The following BAIAP2 variants were observed in gnomAD, a reference collection of about 807,000 sequenced individuals.
BAIAP2 encodes the protein BAR/IMD domain containing adaptor protein 2, also known as BAR/IMD domain-containing adapter protein 2.
BAIAP2 carries 18 observed loss-of-function variants against 63.0 expected under a neutral mutation model. The observed-to-expected ratio is 0.29, with a 90% CI of 0.20 to 0.42. BAIAP2 has a LOEUF of 0.42. BAIAP2 is among the 10% of genes least tolerant of loss of function. The pLI, the probability that BAIAP2 is intolerant of heterozygous loss-of-function variation, is 1.00. For missense variants in BAIAP2, 610 were observed against 734.3 expected (o/e 0.83, Z 1.96); for synonymous variants, 386 against 307.6 (o/e 1.25, Z -2.67).
intron 2 of BAIAP2, among the ~76,000 whole-genome samples, chr17:81,055,576 T>TTTTTGTTTTTTTTTG (rs933153727): frequency 8.3e-5 from 12 of 144,150 alleles, no homozygotes; most frequent in African/African-American, 2.7e-4. Flanking sequence ...GGTGTTTTGT[T>TTTTTGTTTTTTTTTG]TTTTTTTGAG....
At chr17:81,112,638 C>G (rs530142120) in intron 13 of BAIAP2, among the ~76,000 whole-genome samples, 1 of 152,356 alleles carries the variant, frequency 6.6e-6, no homozygotes, top group Non-Finnish European at 1.5e-5. Flanking sequence ...CGCGAGAAGA[C>G]AGAAAACAGG....
intron 5 of BAIAP2, 77 bp downstream of exon 5, chr17:81,085,802 C>T (rs920754478): frequency 1.1e-5 from 13 of 1,160,916 alleles, no homozygotes; most frequent in East Asian, 7.1e-5. Flanking sequence ...ACTCCTTCCT[C>T]GGCCTGAAGG....
Position 81,079,645 on chromosome 17 carries a change from C to T in BAIAP2, c.218-5187C>T, listed in dbSNP as rs1412928033. Among the ~76,000 whole-genome samples, 4 of 152,152 alleles carry T rather than the reference C, an allele frequency of 2.6e-5. No homozygotes were observed. In the South Asian group the frequency reaches 6.2e-4, roughly 24 times the overall value. On this transcript the variant is annotated intron_variant, in intron 3 of 13. Coordinates refer to ENST00000428708, the MANE Select transcript of BAIAP2 (RefSeq NM_001144888.2). Reference sequence around the variant, plus strand: ...GCACTCCCACACCTACATCCTGAGGCGTGGCCACCTGCTTTCCATCACCCC... The same window carrying T: ...GCACTCCCACACCTACATCCTGAGGTGTGGCCACCTGCTTTCCATCACCCC...
intron 3 of BAIAP2, among the ~76,000 whole-genome samples, chr17:81,084,426 A>G (rs2055198362): frequency 6.6e-6 from 1 of 152,098 alleles, no homozygotes; most frequent in South Asian, 2.1e-4. Context: ...GGGTCAGCAG[A>G]CTGTCCACCT....
intron 3 of BAIAP2, among the ~76,000 whole-genome samples, chr17:81,080,329 G>A (rs1346954637): frequency 6.6e-6 from 1 of 152,256 alleles, no homozygotes; most frequent in Non-Finnish European, 1.5e-5. Flanking sequence ...GTAAGGTGCA[G>A]TTTAAAAATT....
At chr17:81,074,855 C>A (rs950408245) in intron 3 of BAIAP2, among the ~76,000 whole-genome samples, 1 of 152,210 alleles carries the variant, frequency 6.6e-6, no homozygotes, top group African/African-American at 2.4e-5. Flanking sequence ...AGTGGTGAAG[C>A]GATTGTGGCA....
In BAIAP2 at chr17:81,111,033, C is replaced by T. The variant is rs902007671; in HGVS notation, c.1535+2524C>T. On this transcript the variant is annotated intron_variant, in intron 13 of 13. Transcript: ENST00000428708. ...TCCACGGGCCCTCTGGCCTCAGTCACGCAGCCTGGGTGGGGAGGGCCCGGC... is the reference window on the plus strand; with the variant it reads ...TCCACGGGCCCTCTGGCCTCAGTCATGCAGCCTGGGTGGGGAGGGCCCGGC... The T allele has an allele frequency of 4.7e-5, 75 of 1,579,406 alleles. 1 individual carries two copies. The highest frequency in any genetic ancestry group is 5.8e-5 in the Non-Finnish European group (67 of 1,152,224).
At chr17:81,045,992 G>A (rs1207887252) in intron 1 of BAIAP2, among the ~76,000 whole-genome samples, 2 of 152,252 alleles carry the variant, frequency 1.3e-5, no homozygotes, top group East Asian at 1.9e-4. Context: ...TCATGGCCTG[G>A]GGGGGCTCAT....
In BAIAP2 at chr17:81,108,598, A is replaced by G. The variant is rs1598827152; in HGVS notation, c.1535+89A>G. On this transcript the variant is annotated intron_variant, in intron 13 of 13. Transcript: ENST00000428708. ...GGTCCCTCTGCTAGGACCTGGGGCC[A>G]CCTCTTTTCCTTTAGGGCCCAGCCT... 1.2e-5 allele frequency: 19 copies of G among 1,536,680 alleles called. 1 individual carries two copies. In the South Asian group the frequency reaches 2.1e-4, roughly 17 times the overall value.
At position 81,103,691 on chromosome 17, in the gene BAIAP2, C is replaced by A; in HGVS notation, c.832C>A (p.Pro278Thr). 1.3e-6 allele frequency: 2 copies of A among 1,593,638 alleles called. No individual in the cohort carries two copies. The highest frequency in any genetic ancestry group is 2.2e-5 in the South Asian group (2 of 90,390). The change falls in exon 8 of 14, where the codon CCG becomes ACG. Residue 278 changes from proline to threonine, a missense_variant. By Grantham distance (38) the Pro-to-Thr change is conservative (BLOSUM62 -1). Around this residue, in one of 5 missense-constraint regions of BAIAP2, gnomAD observed 389 missense variants for 455.6 expected, o/e 0.85. Transcript: ENST00000428708. ...CCCCATTCCGGGGGCCAAGCCCCTG[C>A]CGGTGCCCCCCGAGCTGGCACCGTT... The part of the protein sequence containing the change: ...SDPIPGAKPL[P>T]VPPELAPFVG...
intron 13 of BAIAP2, among the ~76,000 whole-genome samples, chr17:81,111,358 G>C (rs545079630): frequency 5.9e-5 from 9 of 152,346 alleles, no homozygotes; most frequent in East Asian, 1.9e-4. Flanking sequence ...TCCTTCGGGT[G>C]TGTGTGCCTT....
At chr17:81,110,615 G>A (rs1023274989) in intron 13 of BAIAP2, 18 of 1,236,812 alleles carry the variant, frequency 1.5e-5, no homozygotes, top group Non-Finnish European at 1.8e-5. Flanking sequence ...GCACTCAGTC[G>A]CCTGCTAGAT....
At chr17:81,071,665 G>A (rs761330136) in intron 3 of BAIAP2, among the ~76,000 whole-genome samples, 19 of 152,348 alleles carry the variant, frequency 1.2e-4, no homozygotes, top group Middle Eastern at 3.4e-3. Flanking sequence ...CGGTAGCAGC[G>A]CCCGTCCGTC....
intron 2 of BAIAP2, among the ~76,000 whole-genome samples, chr17:81,055,485 C>T (rs893521021): frequency 1.3e-5 from 2 of 152,126 alleles, no homozygotes; most frequent in Non-Finnish European, 2.9e-5. Flanking sequence ...CTCTACATCC[C>T]TGGGCCCGGG....
intron 6 of BAIAP2, among the ~76,000 whole-genome samples, chr17:81,092,904 C>T (rs1462969288): frequency 3.9e-5 from 6 of 152,148 alleles, no homozygotes; most frequent in Non-Finnish European, 8.8e-5. Context: ...CCTGGTCCAG[C>T]TCCTCCTTAG....
At chr17:81,045,254 C>T (rs768392131) in intron 1 of BAIAP2, among the ~76,000 whole-genome samples, 1 of 152,130 alleles carries the variant, frequency 6.6e-6, no homozygotes, top group Non-Finnish European at 1.5e-5. Flanking sequence ...GTGTCCAAGG[C>T]CCATGGAAAG....
chr17:81,102,798 AGCTTAAGGGTCTGGGGGTCCC>A (rs1406099812), intron 7 of BAIAP2, among the ~76,000 whole-genome samples: 1 of 152,206 alleles, frequency 6.6e-6, no homozygotes, highest in East Asian at 1.9e-4. Flanking sequence ...TCTGGCCCAC[AGCTTAAGGGTCTGGGGGTCCC>A]GGGAATCCAG....
At chr17:81,062,506 G>A (rs2050739270) in intron 3 of BAIAP2, among the ~76,000 whole-genome samples, 1 of 152,118 alleles carries the variant, frequency 6.6e-6, no homozygotes, top group Non-Finnish European at 1.5e-5. Context: ...TGGCTTTGCT[G>A]TTGGCTGGGA....
chr17:81,093,840 C>T (rs944446524), intron 6 of BAIAP2, among the ~76,000 whole-genome samples: 6 of 152,168 alleles, frequency 3.9e-5, no homozygotes, highest in African/African-American at 1.4e-4. Context: ...GGCCGGTGAT[C>T]GCCAGCGTGG....
Sources: gnomAD v4.1 joint callset for allele counts (sites outside exome capture counted in the v4.1 genomes callset) on GRCh38, gnomAD v4.1.1 for gene constraint, gnomAD v4.1.1 regional missense constraint, MANE v1.5 for transcripts, NCBI Gene and HGNC (gene_info 2026-07-23, HGNC 2026-07-21) for gene names.